GPHN: variants seen among roughly 807,000 people sequenced by gnomAD.
GPHN encodes the protein gephyrin.
In GPHN, 17 loss-of-function variants were observed where a neutral mutation model predicts 95.5. The observed-to-expected ratio is 0.18, with a 90% confidence interval of 0.12 to 0.27. GPHN has a LOEUF of 0.27. GPHN is among the 10% of genes least tolerant of loss of function. The pLI, the probability that GPHN is intolerant of heterozygous loss-of-function variation, is 1.00. For synonymous variants in GPHN, 320 were observed against 322.5 expected (o/e 0.99, Z 0.08); for missense variants, 660 against 978.1 (o/e 0.67, Z 4.34).
chr14:66,848,985 G>A (rs2062459007), intron 4 of GPHN, among the ~76,000 whole-genome samples: 1 of 151,810 alleles, frequency 6.6e-6, no homozygotes, highest in African/African-American at 2.4e-5. Context: ...TACACTTACT[G>A]TATGCCATGT....
intron 11 of GPHN, among the ~76,000 whole-genome samples, chr14:67,079,996 C>G (rs929390285): frequency 6.6e-6 from 1 of 152,008 alleles, no homozygotes; most frequent in Non-Finnish European, 1.5e-5. Flanking sequence ...TGAGGAACTT[C>G]CATACTATTT....
chr14:67,142,606 T>C (rs747570390), intron 17 of GPHN, among the ~76,000 whole-genome samples: 1 of 152,210 alleles, frequency 6.6e-6, no homozygotes, highest in Non-Finnish European at 1.5e-5. Flanking sequence ...CCTTGTCCTT[T>C]TCCCCCTACC....
chr14:67,220,817 G>A, the GPHN span, among the ~76,000 whole-genome samples: 1 of 152,166 alleles, frequency 6.6e-6, no homozygotes. Context: ...TTTGCAAACT[G>A]TATAGAAAAT....
the GPHN span, among the ~76,000 whole-genome samples, chr14:67,701,425 C>CTTTTTTTTTTTTTT: frequency 1.4e-5 from 1 of 71,126 alleles, no homozygotes; most frequent in African/African-American, 4.8e-5. Context: ...ATTATAATTT[C>CTTTTTTTTTTTTTT]TTTTTTTTTT....
the GPHN span, chr14:67,343,400 G>T: frequency 6.2e-7 from 1 of 1,612,086 alleles, no homozygotes; most frequent in African/African-American, 1.3e-5. Flanking sequence ...CACGCCTGTT[G>T]GTTATCTTAA....
chr14:66,947,055 T>C (rs1386284794), intron 8 of GPHN, among the ~76,000 whole-genome samples: 1 of 152,228 alleles, frequency 6.6e-6, no homozygotes, highest in African/African-American at 2.4e-5. Flanking sequence ...ATCACATTCA[T>C]TGTTACCAAA....
At chr14:67,440,367 T>C in the GPHN span, among the ~76,000 whole-genome samples, 1 of 152,064 alleles carries the variant, frequency 6.6e-6, no homozygotes, top group Non-Finnish European at 1.5e-5. Flanking sequence ...GGTCAGGATT[T>C]ACACTGAAAC....
intron 2 of GPHN, among the ~76,000 whole-genome samples, chr14:66,685,011 G>C (rs1463032168): frequency 6.6e-6 from 1 of 151,884 alleles, no homozygotes. Flanking sequence ...TTGTTTTTTT[G>C]TACTTGGGAT....
At chr14:67,600,956 CG>C in the GPHN span, among the ~76,000 whole-genome samples, 2 of 152,170 alleles carry the variant, frequency 1.3e-5, no homozygotes, top group Admixed American at 6.5e-5. Flanking sequence ...GGAGAGCCCA[CG>C]GGTATTCATT....
At chr14:66,760,003 G>A (rs1316497798) in intron 2 of GPHN, among the ~76,000 whole-genome samples, 1 of 152,066 alleles carries the variant, frequency 6.6e-6, no homozygotes, top group East Asian at 1.9e-4. Context: ...CTTTCTCAGA[G>A]GTTAAATAGC....
chr14:66,674,569 T>C (rs2066483220), intron 1 of GPHN, among the ~76,000 whole-genome samples: 1 of 152,228 alleles, frequency 6.6e-6, no homozygotes, highest in South Asian at 2.1e-4. Flanking sequence ...GCAGTATTTA[T>C]CTCTCTGACT....
the GPHN span, among the ~76,000 whole-genome samples, chr14:67,285,400 T>A: frequency 1.4e-5 from 2 of 147,312 alleles, no homozygotes; most frequent in Admixed American, 1.4e-4. Context: ...GGAGTCTCGC[T>A]CTGTCGCCCA....
chr14:66,579,232 A>G (rs1032293552), intron 1 of GPHN, among the ~76,000 whole-genome samples: 10 of 152,006 alleles, frequency 6.6e-5, no homozygotes, highest in Admixed American at 2.0e-4. Flanking sequence ...AAATCAAAGC[A>G]TACCACAACA....
chr14:67,253,907 C>T, the GPHN span, among the ~76,000 whole-genome samples: 1 of 148,368 alleles, frequency 6.7e-6, no homozygotes, highest in East Asian at 2.0e-4. Context: ...AAATCTTAGG[C>T]TTGGATAGAG....
intron 1 of GPHN, among the ~76,000 whole-genome samples, chr14:66,510,624 T>G (rs1160821394): frequency 6.6e-6 from 1 of 152,212 alleles, no homozygotes; most frequent in Non-Finnish European, 1.5e-5. Context: ...CGTATTCAGA[T>G]GGATTAGGAG....
intron 20 of GPHN, among the ~76,000 whole-genome samples, chr14:67,167,394 G>GA (rs1288865799): frequency 4.0e-5 from 6 of 151,846 alleles, no homozygotes; most frequent in South Asian, 4.2e-4. Context: ...TGCTTTTCCA[G>GA]AAAAAAATAT....
chr14:67,722,603 A>G, the GPHN span: 2 of 1,575,592 alleles, frequency 1.3e-6, no homozygotes, highest in Middle Eastern at 3.4e-4. Context: ...TTGAAGCTGG[A>G]GCAGCAGCAA....
At chr14:67,487,844 G>T in the GPHN span, among the ~76,000 whole-genome samples, 42 of 151,870 alleles carry the variant, frequency 2.8e-4, no homozygotes, top group Non-Finnish European at 5.0e-4. Context: ...TGACCAGGCT[G>T]GTCTCAAGCT....
At chr14:67,697,987 A>C in the GPHN span, among the ~76,000 whole-genome samples, 1 of 152,226 alleles carries the variant, frequency 6.6e-6, no homozygotes, top group East Asian at 1.9e-4. Context: ...CAAGGTTGAC[A>C]TGTTCTTACA....
Sources: gnomAD v4.1 joint callset for allele counts (sites outside exome capture counted in the v4.1 genomes callset) on GRCh38, gnomAD v4.1.1 for gene constraint, MANE v1.5 for transcripts, NCBI Gene and HGNC (gene_info 2026-07-23, HGNC 2026-07-21) for gene names.